The following SPATA13 variants were observed in gnomAD, a reference collection of about 807,000 sequenced individuals.
SPATA13 encodes spermatogenesis-associated protein 13.
In SPATA13, 50 loss-of-function variants were observed where a neutral mutation model predicts 104.0. The observed-to-expected ratio is 0.48, with a 90% CI of 0.38 to 0.61. The LOEUF (loss-of-function observed/expected upper bound fraction) is 0.61. SPATA13 is among the 20% of genes least tolerant of loss of function. The pLI is 0.00. For synonymous variants in SPATA13, 606 were observed against 667.5 expected (o/e 0.91, Z 1.42); for missense variants, 1,524 against 1,690.6 (o/e 0.90, Z 1.73).
At chr13:24,000,032 A>G (rs1356900477) in intron 2 of SPATA13, among the ~76,000 whole-genome samples, 1 of 152,238 alleles carries the variant, frequency 6.6e-6, no homozygotes, top group Non-Finnish European at 1.5e-5. Context: ...GCTTGCCCTC[A>G]TTAGTTATCA....
At chr13:24,244,011 G>A (rs1235403923) in intron 2 of SPATA13, among the ~76,000 whole-genome samples, 3 of 152,216 alleles carry the variant, frequency 2.0e-5, no homozygotes, top group Admixed American at 6.5e-5. Context: ...GAGGCCAGAA[G>A]TTTGAGATCA....
intron 3 of SPATA13, among the ~76,000 whole-genome samples, chr13:24,140,737 G>A (rs1489687324): frequency 6.6e-6 from 1 of 152,222 alleles, no homozygotes; most frequent in Non-Finnish European, 1.5e-5. Flanking sequence ...ATTATATAAT[G>A]AAGTGAACCC....
In SPATA13 at chr13:24,052,905, T is replaced by C. The variant is rs190064550; in HGVS notation, c.-112+35204T>C. ...TCTCATGCTTTCTGTGGAAAATTGT[T>C]TCACTTAGCTTCCTGCAGGGATATT... On this transcript the variant is annotated intron_variant, in intron 3 of 14. Coordinates refer to the SPATA13 transcript ENST00000424834. Among the ~76,000 whole-genome samples the C allele has an allele frequency of 5.8e-3, 475 of 81,322 alleles. 1 individual carries two copies. The highest frequency in any genetic ancestry group is 9.7e-3 in the Non-Finnish European group (380 of 39,360). The allele number at this position is 81,322 out of a possible 152,430, so 53.4% of individuals were successfully genotyped here. A position where few individuals can be genotyped will look rare whatever the true frequency, so the allele number is the denominator to read the frequency against.
At chr13:24,101,510 T>G (rs368994523) in intron 3 of SPATA13, among the ~76,000 whole-genome samples, 4 of 152,312 alleles carry the variant, frequency 2.6e-5, no homozygotes, top group African/African-American at 9.6e-5. Flanking sequence ...CACATAAAAC[T>G]TACCACCTTA....
chr13:24,262,954 A>AT (rs201168255), intron 4 of SPATA13, among the ~76,000 whole-genome samples: 13 of 152,282 alleles, frequency 8.5e-5, no homozygotes, highest in African/African-American at 2.9e-4. Flanking sequence ...CGTTCAGGTT[A>AT]TTTTAAAAAA....
At chr13:24,258,535 C>T (rs1000057589) in intron 4 of SPATA13, among the ~76,000 whole-genome samples, 4 of 151,884 alleles carry the variant, frequency 2.6e-5, no homozygotes, top group South Asian at 2.1e-4. Flanking sequence ...CAAGAGTTGT[C>T]GTGCGTTCCT....
At position 24,297,526 on chromosome 13, in the gene SPATA13, G is replaced by A. The variant is rs1876869460; in HGVS notation, c.3374G>A (p.Gly1125Asp). 3 of 1,614,230 alleles carry A rather than the reference G, an allele frequency of 1.9e-6. No homozygotes were observed. Among genetic ancestry groups the A allele is most frequent in the African/African-American group, 2.7e-5 (2 of 75,054 alleles). Residue 1125 changes from glycine to aspartate, a missense_variant, in exon 11 of 13, where the codon GGC becomes GAC. This residue lies in a region of SPATA13 where 435 missense variants were observed against 554.8 expected (regional missense o/e 0.78). Transcript: ENST00000382108. ...CGCAGGGACATGCTGTACTACAAGG[G>A]CCGGCTGGACATGGATGAGATGGAG... is the stretch of plus-strand genomic sequence containing the variant. ...LLRRDMLYYK[G>D]RLDMDEMELV...
chr13:24,272,279 G>T (rs116856999), intron 4 of SPATA13, among the ~76,000 whole-genome samples: 3 of 152,198 alleles, frequency 2.0e-5, no homozygotes, highest in Non-Finnish European at 2.9e-5. Flanking sequence ...GCTCTGAGCG[G>T]TGCTCCCTCG....
chr13:24,239,652 G>A (rs774687327), intron 2 of SPATA13, among the ~76,000 whole-genome samples: 14 of 119,308 alleles, frequency 1.2e-4, no homozygotes, highest in Admixed American at 3.5e-4. Context: ...CCGAGATTTC[G>A]TCACTGCACT....
chr13:24,246,560 A>G (rs781649193), intron 2 of SPATA13, among the ~76,000 whole-genome samples: 1 of 152,206 alleles, frequency 6.6e-6, no homozygotes, highest in Non-Finnish European at 1.5e-5. Flanking sequence ...GACAGAGTTC[A>G]TAGAAAAATG....
chr13:24,025,616 T>C (rs932050712), intron 3 of SPATA13, among the ~76,000 whole-genome samples: 19 of 152,230 alleles, frequency 1.2e-4, no homozygotes, highest in Admixed American at 7.9e-4. Flanking sequence ...CTCTAAATCC[T>C]TACTAAAATC....
At chr13:24,123,190 G>A (rs1881097212) in intron 3 of SPATA13, 2 of 1,359,990 alleles carry the variant, frequency 1.5e-6, no homozygotes, top group Non-Finnish European at 1.1e-6. Flanking sequence ...CTGATGAATG[G>A]TGTGATATAT....
rs534904031 is a variant in SPATA13 at position 24,222,813 on chromosome 13, C to T, written c.-111-6C>T. Reference sequence around the variant, plus strand: ...GCTAAACCGCCTGCTTTGTCTTTCACTGCAGCCCGTGGCCACCCAGGAGCC... The same window carrying T: ...GCTAAACCGCCTGCTTTGTCTTTCATTGCAGCCCGTGGCCACCCAGGAGCC... On this transcript the variant is annotated splice_region_variant and splice_polypyrimidine_tract_variant and intron_variant, in intron 1 of 12. Coordinates refer to ENST00000382108, the MANE Select transcript of SPATA13 (RefSeq NM_001166271.3). The T allele has an allele frequency of 9.3e-5, 140 of 1,510,120 alleles. 1 individual carries two copies. In the African/African-American group the frequency reaches 1.8e-3, roughly 19 times the overall value. 93.5% of individuals were successfully genotyped at this position (1,510,120 alleles called of 1,614,324 possible). A position where few individuals can be genotyped will look rare whatever the true frequency, so the allele number is the denominator to read the frequency against.
At chr13:24,082,826 CAAAAAAAAAAAA>C (rs3075296) in intron 3 of SPATA13, among the ~76,000 whole-genome samples, 2 of 50,044 alleles carry the variant, frequency 4.0e-5, no homozygotes, top group Admixed American at 3.5e-4. Context: ...GACTCCGTCT[CAAAAAAAAAAAA>C]AAAAAAAAAA....
chr13:24,288,614 T>C (rs1333921668), intron 7 of SPATA13, among the ~76,000 whole-genome samples: 2 of 152,212 alleles, frequency 1.3e-5, no homozygotes, highest in Non-Finnish European at 2.9e-5. Flanking sequence ...GCATGGGCTA[T>C]TCAGCAAGCA....
chr13:24,188,130 C>T (rs1004850002), intron 1 of SPATA13, among the ~76,000 whole-genome samples: 1 of 151,890 alleles, frequency 6.6e-6, no homozygotes, highest in Non-Finnish European at 1.5e-5. Context: ...TGCCTGAGCT[C>T]AGGAGTTCGA....
intron 9 of SPATA13, among the ~76,000 whole-genome samples, chr13:24,293,589 G>A (rs192694140): frequency 1.0e-3 from 155 of 152,276 alleles, no homozygotes; most frequent in Non-Finnish European, 1.7e-3. Context: ...CTTGTCTTAA[G>A]TAAAACAAAG....
At chr13:24,021,139 A>C (rs1386250272) in intron 3 of SPATA13, among the ~76,000 whole-genome samples, 2 of 152,250 alleles carry the variant, frequency 1.3e-5, no homozygotes, top group African/African-American at 4.8e-5. Flanking sequence ...AGGTATATTG[A>C]GTTTCCACAG....
intron 2 of SPATA13, among the ~76,000 whole-genome samples, chr13:23,990,125 T>G (rs1875342567): frequency 6.6e-6 from 1 of 152,176 alleles, no homozygotes; most frequent in African/African-American, 2.4e-5. Flanking sequence ...CTGCACCTGG[T>G]CACCACCATC....
Sources: gnomAD v4.1 joint callset for allele counts (sites outside exome capture counted in the v4.1 genomes callset) on GRCh38, gnomAD v4.1.1 for gene constraint, gnomAD v4.1.1 regional missense constraint, MANE v1.5 for transcripts, NCBI Gene and HGNC (gene_info 2026-07-23, HGNC 2026-07-21) for gene names.